SHISA9: variants seen among roughly 807,000 people sequenced by gnomAD.
The protein encoded by SHISA9 is shisa family member 9.
In SHISA9, 13 loss-of-function variants were observed where a neutral mutation model predicts 38.0. The observed-to-expected ratio is 0.34, with a 90% CI of 0.22 to 0.54. SHISA9 has a LOEUF of 0.54. Ranked by LOEUF, SHISA9 falls within the 20% of genes least tolerant of loss-of-function variation. The pLI is 0.91. For missense variants in SHISA9, 538 were observed against 575.8 expected (o/e 0.93, Z 0.67); for synonymous variants, 275 against 242.0 (o/e 1.14, Z -1.27).
the SHISA9 span, among the ~76,000 whole-genome samples, chr16:13,369,750 T>G: frequency 6.6e-6 from 1 of 152,012 alleles, no homozygotes; most frequent in South Asian, 2.1e-4. Context: ...TTGGGGGATG[T>G]AGGGTGAGTT....
chr16:13,435,754 G>A, the SHISA9 span, among the ~76,000 whole-genome samples: 78 of 152,310 alleles, frequency 5.1e-4, 1 homozygote, highest in Middle Eastern at 3.4e-3. Context: ...TGCTGTGCTG[G>A]GAGACAGAAG....
chr16:13,530,315 A>T, the SHISA9 span, among the ~76,000 whole-genome samples: 1 of 152,090 alleles, frequency 6.6e-6, no homozygotes. Flanking sequence ...AATAAATAAA[A>T]ATAAATAAAT....
intron 1 of SHISA9, chr16:12,910,653 A>G (rs561051453): frequency 1.3e-3 from 1,264 of 985,452 alleles, no homozygotes; most frequent in Non-Finnish European, 1.4e-3. Context: ...TAAACAAACA[A>G]TTTTGTTTCA....
intron 2 of SHISA9, among the ~76,000 whole-genome samples, chr16:13,071,551 TC>T (rs1432850525): frequency 7.3e-6 from 1 of 137,384 alleles, no homozygotes; most frequent in East Asian, 2.1e-4. Flanking sequence ...CTCCCTCCAT[TC>T]CCTTTTTCCT....
the SHISA9 span, among the ~76,000 whole-genome samples, chr16:13,333,048 C>T: frequency 9.2e-5 from 14 of 152,316 alleles, no homozygotes; most frequent in African/African-American, 2.4e-4. Context: ...CTGCCGTGCC[C>T]GTCGAAGTCA....
chr16:13,525,333 G>T, the SHISA9 span, among the ~76,000 whole-genome samples: 2 of 152,070 alleles, frequency 1.3e-5, no homozygotes, highest in Non-Finnish European at 2.9e-5. Flanking sequence ...GAAAAGAAAG[G>T]CTCTGTCTTA....
chr16:12,906,337 G>A (rs1033236787), intron 1 of SHISA9, among the ~76,000 whole-genome samples: 18 of 152,176 alleles, frequency 1.2e-4, no homozygotes, highest in African/African-American at 4.3e-4. Flanking sequence ...CAGTAAACTT[G>A]GGTTTTGCTG....
At chr16:13,232,036 G>A (rs1462840736) in intron 4 of SHISA9, among the ~76,000 whole-genome samples, 1 of 152,238 alleles carries the variant, frequency 6.6e-6, no homozygotes, top group African/African-American at 2.4e-5. Context: ...AGCCCTGTAA[G>A]GAGGAGAATC....
chr16:12,927,420 A>G (rs2071404935), intron 2 of SHISA9, among the ~76,000 whole-genome samples: 2 of 152,170 alleles, frequency 1.3e-5, no homozygotes, highest in African/African-American at 2.4e-5. Context: ...TTATCTGGTG[A>G]CAGGGTCTTG....
the SHISA9 span, among the ~76,000 whole-genome samples, chr16:13,278,616 T>A: frequency 6.6e-6 from 1 of 152,024 alleles, no homozygotes; most frequent in Non-Finnish European, 1.5e-5. Context: ...CTGTTCAGGG[T>A]ATCTAATTCT....
the SHISA9 span, among the ~76,000 whole-genome samples, chr16:13,538,283 C>T: frequency 1.3e-5 from 2 of 152,206 alleles, no homozygotes; most frequent in African/African-American, 2.4e-5. Flanking sequence ...TCTGTAATTG[C>T]GTGTCCTCTG....
chr16:13,039,009 A>G (rs1231151827), intron 2 of SHISA9, among the ~76,000 whole-genome samples: 1 of 152,122 alleles, frequency 6.6e-6, no homozygotes, highest in East Asian at 1.9e-4. Flanking sequence ...CCTGGATTCA[A>G]GTGATTCTCC....
At chr16:12,987,792 G>A (rs2072332246) in intron 2 of SHISA9, among the ~76,000 whole-genome samples, 1 of 152,180 alleles carries the variant, frequency 6.6e-6, no homozygotes, top group African/African-American at 2.4e-5. Flanking sequence ...CCATTTTGTT[G>A]AGTACTGGCT....
At chr16:13,352,650 C>A in the SHISA9 span, among the ~76,000 whole-genome samples, 1 of 144,512 alleles carries the variant, frequency 6.9e-6, no homozygotes, top group Non-Finnish European at 1.5e-5. Flanking sequence ...TTTATTTCAC[C>A]TGGGCGCAGG....
chr16:13,544,001 C>A, the SHISA9 span, among the ~76,000 whole-genome samples: 5 of 152,170 alleles, frequency 3.3e-5, no homozygotes, highest in Middle Eastern at 3.4e-3. Context: ...GGGGAAGTCA[C>A]GTGCCTAAAA....
chr16:13,008,633 TCCTCCCTC>T lies in SHISA9; in HGVS notation c.691+91842_691+91849del, dbSNP rs1255250360. On this transcript the variant is annotated intron_variant, in intron 2 of 4. Transcript: ENST00000558583. ...CTCTCTCTCTCCTTCTCTCCCTCTC[TCCTCCCTC>T]CCTCCCTCCCTCCCTCCCTCCCTTC... is the stretch of plus-strand genomic sequence containing the variant. Among the ~76,000 whole-genome samples the T allele has an allele frequency of 6.4e-4, 58 of 90,070 alleles. No homozygotes were observed. The East Asian group carries it at 0.014, about 22-fold the overall frequency. The allele number at this position is 90,070 out of a possible 152,430, so 59.1% of individuals were successfully genotyped here.
intron 2 of SHISA9, among the ~76,000 whole-genome samples, chr16:13,172,668 C>T (rs533423085): frequency 6.6e-6 from 1 of 151,506 alleles, no homozygotes; most frequent in East Asian, 1.9e-4. Context: ...AGCCTGGTTT[C>T]GCGTCTGTTT....
chr16:13,517,634 T>G, the SHISA9 span, among the ~76,000 whole-genome samples: 1 of 152,200 alleles, frequency 6.6e-6, no homozygotes, highest in African/African-American at 2.4e-5. Flanking sequence ...TCTCCTTATA[T>G]GTCCCGTTCA....
At chr16:12,970,214 T>C (rs1289791553) in intron 2 of SHISA9, among the ~76,000 whole-genome samples, 1 of 147,338 alleles carries the variant, frequency 6.8e-6, no homozygotes, top group Non-Finnish European at 1.5e-5. Context: ...GTACAAGTGC[T>C]GATTTGTTAC....
Sources: gnomAD v4.1 joint callset for allele counts (sites outside exome capture counted in the v4.1 genomes callset) on GRCh38, gnomAD v4.1.1 for gene constraint, MANE v1.5 for transcripts, NCBI Gene and HGNC (gene_info 2026-07-23, HGNC 2026-07-21) for gene names.